PRKCE: variants seen among roughly 807,000 people sequenced by gnomAD.
The protein encoded by PRKCE is protein kinase C epsilon.
PRKCE carries 16 observed loss-of-function variants against 85.4 expected under a neutral mutation model. The ratio of observed to expected loss-of-function variants is 0.19; its 90% CI spans 0.13 to 0.28. The LOEUF (loss-of-function observed/expected upper bound fraction) is 0.28. Ranked by LOEUF, PRKCE falls within the 10% of genes least tolerant of loss-of-function variation. PRKCE has a pLI of 1.00. For missense variants in PRKCE, 573 were observed against 975.2 expected (o/e 0.59, Z 5.49); for synonymous variants, 388 against 371.5 (o/e 1.04, Z -0.51).
At chr2:46,136,351 G>T (rs1290310112) in intron 11 of PRKCE, among the ~76,000 whole-genome samples, 1 of 152,222 alleles carries the variant, frequency 6.6e-6, no homozygotes, top group African/African-American at 2.4e-5. Context: ...TTTGCTAGAT[G>T]CTGTATGGTT....
intron 6 of PRKCE, 136 bp downstream of exon 6, chr2:45,984,816 G>C: frequency 7.9e-7 from 1 of 1,258,244 alleles, no homozygotes. Context: ...TGTTAATCCT[G>C]CATTAGTAAC....
At chr2:46,102,665 C>A (rs1002617831) in intron 11 of PRKCE, among the ~76,000 whole-genome samples, 1 of 152,110 alleles carries the variant, frequency 6.6e-6, no homozygotes, top group East Asian at 1.9e-4. Flanking sequence ...CTCAGACTTT[C>A]CTTGTTTTAT....
intron 10 of PRKCE, among the ~76,000 whole-genome samples, chr2:46,080,701 T>C (rs192551962): frequency 6.6e-6 from 1 of 152,206 alleles, no homozygotes; most frequent in Admixed American, 6.5e-5. Flanking sequence ...TCCTCAGGTA[T>C]GGAGTTTGGA....
chr2:46,103,513 TAC>T (rs1169515384), intron 11 of PRKCE, among the ~76,000 whole-genome samples: 1 of 152,192 alleles, frequency 6.6e-6, no homozygotes, highest in Non-Finnish European at 1.5e-5. Context: ...TCATGTATAA[TAC>T]ACATATTAAG....
chr2:46,011,024 T>C, intron 10 of PRKCE: 1 of 1,152,666 alleles, frequency 8.7e-7, no homozygotes, highest in Non-Finnish European at 1.1e-6. Context: ...CGCATAGGTG[T>C]CTGGGAACCA....
chr2:46,156,905 T>C (rs1677263751), intron 13 of PRKCE, among the ~76,000 whole-genome samples: 1 of 152,232 alleles, frequency 6.6e-6, no homozygotes, highest in Admixed American at 6.5e-5. Flanking sequence ...GAGGCTTTTA[T>C]ATATCCTTCT....
chr2:45,921,973 G>A (rs558862952), intron 2 of PRKCE, among the ~76,000 whole-genome samples: 12 of 152,170 alleles, frequency 7.9e-5, no homozygotes, highest in African/African-American at 2.7e-4. Context: ...CCTCATATAG[G>A]GAAAATGAAC....
chr2:45,742,820 A>C (rs1682691064), intron 1 of PRKCE, among the ~76,000 whole-genome samples: 1 of 152,210 alleles, frequency 6.6e-6, no homozygotes, highest in Non-Finnish European at 1.5e-5. Flanking sequence ...TCACTGTCTC[A>C]AAGAGAAATC....
rs114019792 is a variant in PRKCE, at chr2:45,901,844, G to A, written c.412+58781G>A. 6.0e-3 allele frequency among the ~76,000 whole-genome samples: 914 copies of A among 152,304 alleles called. 14 individuals carry two copies. Among genetic ancestry groups the A allele is most frequent in the African/African-American group, 0.021 (888 of 41,556 alleles). On this transcript the variant is annotated intron_variant, in intron 2 of 14. Transcript: ENST00000306156. ...TTGGTTTGTGATGAAGCTCACACAC[G>A]ATGTCTGTAAAACCCTGAAGTCCAG...
intron 11 of PRKCE, among the ~76,000 whole-genome samples, chr2:46,107,220 G>T (rs11695648): frequency 0.41 from 62,260 of 152,082 alleles, 14,297 homozygotes; most frequent in East Asian, 0.53. Flanking sequence ...TTTTGCCTTT[G>T]CAGAATGCCA....
rs1200186366 is a variant in PRKCE at position 46,159,411 on chromosome 2, A to T, written c.1921-195A>T. Among the ~76,000 whole-genome samples, 1 of 152,260 alleles carries T rather than the reference A, an allele frequency of 6.6e-6. No individual in the cohort carries two copies. Among genetic ancestry groups the T allele is most frequent in the Middle Eastern group, 3.2e-3 (1 of 316 alleles). ...ATGAGTTGATACATGTACCATGTCT[A>T]GAATGGTGTCTGGGACATAGTCAAT... On this transcript the variant is annotated intron_variant, in intron 13 of 14. Transcript: ENST00000306156. This position sits in a 1 kb window ranked among gnomAD's most constrained non-coding sequence, Gnocchi z 4.1.
Position 45,776,341 on chromosome 2 carries a change from A to G in PRKCE, c.349-66659A>G, listed in dbSNP as rs143058157. 1.2e-4 allele frequency among the ~76,000 whole-genome samples: 18 copies of G among 152,282 alleles called. 1 individual carries two copies. In the East Asian group the frequency reaches 3.3e-3, roughly 28 times the overall value. ...TCAGACATCATTACTTGAATCCCCTACGAGTTTCGGCTTTTCTGCTGGTAC... is the reference window on the plus strand; with the variant it reads ...TCAGACATCATTACTTGAATCCCCTGCGAGTTTCGGCTTTTCTGCTGGTAC... On this transcript the variant is annotated intron_variant, in intron 1 of 14. Transcript: ENST00000306156.
At chr2:45,749,139 C>A (rs1460025841) in intron 1 of PRKCE, among the ~76,000 whole-genome samples, 1 of 152,186 alleles carries the variant, frequency 6.6e-6, no homozygotes, top group Non-Finnish European at 1.5e-5. Context: ...ATCTGCTCAC[C>A]TCAGCTTCTC....
At chr2:45,757,626 A>T (rs78899470) in intron 1 of PRKCE, among the ~76,000 whole-genome samples, 123 of 152,312 alleles carry the variant, frequency 8.1e-4, no homozygotes, top group African/African-American at 2.6e-3. Context: ...TGATCACAAC[A>T]CTGCACTCCA....
chr2:45,834,866 T>C (rs1690726044), intron 1 of PRKCE, among the ~76,000 whole-genome samples: 1 of 152,222 alleles, frequency 6.6e-6, no homozygotes. Context: ...TTCTATAACA[T>C]TTGGTCTAAT....
chr2:46,081,366 G>C (rs771773941), intron 10 of PRKCE, among the ~76,000 whole-genome samples: 1 of 152,200 alleles, frequency 6.6e-6, no homozygotes, highest in South Asian at 2.1e-4. Context: ...TTTTAAAAGA[G>C]ATTATAACAA....
intron 11 of PRKCE, among the ~76,000 whole-genome samples, chr2:46,119,116 T>G (rs1034828080): frequency 6.6e-6 from 1 of 152,088 alleles, no homozygotes; most frequent in Non-Finnish European, 1.5e-5. Flanking sequence ...ATTTGTGGGG[T>G]TGGAGGCATA....
chr2:45,686,023 A>G (rs1033884513), intron 1 of PRKCE, among the ~76,000 whole-genome samples: 4 of 152,216 alleles, frequency 2.6e-5, no homozygotes, highest in African/African-American at 9.7e-5. Flanking sequence ...ATAGAATCAC[A>G]TATGGAATTT....
intron 14 of PRKCE, among the ~76,000 whole-genome samples, chr2:46,161,770 A>G (rs1056221466): frequency 6.6e-6 from 1 of 152,098 alleles, no homozygotes; most frequent in African/African-American, 2.4e-5. Flanking sequence ...TTCATGAAGA[A>G]TCGTCTCTCC....
Sources: allele counts gnomAD v4.1 joint callset (sites outside exome capture counted in the v4.1 genomes callset), GRCh38; gene constraint gnomAD v4.1.1; non-coding constraint Gnocchi (gnomAD v3.1); transcripts MANE v1.5; gene names NCBI Gene and HGNC (gene_info 2026-07-23, HGNC 2026-07-21).